The following POLK variants were observed in gnomAD, a reference collection of about 807,000 sequenced individuals.
POLK encodes polymerase (DNA directed) kappa.
Under a neutral mutation model 94.0 loss-of-function variants are expected in POLK, and 76 were observed. The ratio of observed to expected loss-of-function variants is 0.81; its 90% CI spans 0.67 to 0.98. POLK has a LOEUF of 0.98. Ranked by LOEUF, POLK falls within the 50% of genes least tolerant of loss-of-function variation. The pLI, the probability that POLK is intolerant of heterozygous loss-of-function variation, is 0.00. For synonymous variants in POLK, 349 were observed against 325.4 expected, an observed-to-expected ratio of 1.07 and a Z score of -0.78; for missense variants, 954 against 1,010.1, an observed-to-expected ratio of 0.94 and a Z score of 0.75.
At chr5:75,597,861 A>G in intron 14 of POLK, 72 bp downstream of exon 14, 1 of 1,138,250 alleles carries the variant, frequency 8.8e-7, no homozygotes, top group South Asian at 1.7e-5. Context: ...ATTATTAAGT[A>G]ATCAATATTA....
chr5:75,542,440 T>C, intron 1 of POLK, among the ~76,000 whole-genome samples: 1 of 151,896 alleles, frequency 6.6e-6, no homozygotes, highest in East Asian at 1.9e-4. Flanking sequence ...CAGTGTGGTT[T>C]TTTATATAGC....
chr5:75,520,640 C>A (rs541641250), intron 1 of POLK, among the ~76,000 whole-genome samples: 2 of 152,302 alleles, frequency 1.3e-5, no homozygotes, highest in African/African-American at 4.8e-5. Flanking sequence ...CTCAGGCAGT[C>A]CTCCTGACTT....
intron 8 of POLK, among the ~76,000 whole-genome samples, chr5:75,583,656 A>ACT (rs1772316800): frequency 6.6e-6 from 1 of 152,198 alleles, no homozygotes; most frequent in Non-Finnish European, 1.5e-5. Context: ...TAAGTGAACT[A>ACT]CTGCCAAGGA....
chr5:75,511,265 G>A, upstream of POLK: 3 of 1,595,944 alleles, frequency 1.9e-6, no homozygotes, highest in Non-Finnish European at 2.6e-6. Context: ...CGCCGGAGGA[G>A]GCGCCCAGTC....
intron 2 of POLK, among the ~76,000 whole-genome samples, chr5:75,548,151 G>T (rs753754374): frequency 7.2e-5 from 11 of 152,064 alleles, no homozygotes; most frequent in Non-Finnish European, 1.6e-4. Flanking sequence ...TGATCTGCTG[G>T]CCTCAAGCAA....
intron 3 of POLK, among the ~76,000 whole-genome samples, chr5:75,567,115 C>CA (rs1561379663): frequency 1.3e-5 from 2 of 151,876 alleles, no homozygotes; most frequent in Admixed American, 6.6e-5. Flanking sequence ...GCTTTAAGCA[C>CA]AAAAAAAGAG....
chr5:75,540,868 A>G (rs1377162329), intron 1 of POLK, among the ~76,000 whole-genome samples: 4 of 152,202 alleles, frequency 2.6e-5, no homozygotes, highest in East Asian at 1.9e-4. Flanking sequence ...ATCAACTCCT[A>G]TAAGATAAAA....
the POLK span, among the ~76,000 whole-genome samples, chr5:75,606,891 T>C: frequency 0.12 from 18,924 of 152,034 alleles, 1,289 homozygotes; most frequent in East Asian, 0.22. Flanking sequence ...GCTTGTAATC[T>C]GAATTCACAC....
chr5:75,584,145 A>G (rs1056615274), intron 8 of POLK, among the ~76,000 whole-genome samples: 25 of 152,200 alleles, frequency 1.6e-4, no homozygotes, highest in Admixed American at 1.2e-3. Flanking sequence ...TTCTGGGGTC[A>G]GATACCTTTG....
intron 1 of POLK, among the ~76,000 whole-genome samples, chr5:75,538,214 G>A (rs1016549779): frequency 6.6e-6 from 1 of 152,082 alleles, no homozygotes; most frequent in African/African-American, 2.4e-5. Flanking sequence ...ATATGCTGGA[G>A]GTAGCTGTTA....
intron 3 of POLK, 25 bp from the exon 4 acceptor site, chr5:75,569,315 A>G (rs1771456334): frequency 2.0e-6 from 3 of 1,536,398 alleles, no homozygotes; most frequent in Non-Finnish European, 2.7e-6. Context: ...GTCTAAAAGT[A>G]TGTTAACTTT....
At chr5:75,529,282 G>C (rs1244052580) in intron 1 of POLK, among the ~76,000 whole-genome samples, 1 of 151,976 alleles carries the variant, frequency 6.6e-6, no homozygotes, top group Non-Finnish European at 1.5e-5. Flanking sequence ...GGGGGGAGGT[G>C]CCACACTCTT....
intron 12 of POLK, among the ~76,000 whole-genome samples, chr5:75,594,742 A>G (rs1023862789): frequency 9.9e-5 from 15 of 152,202 alleles, no homozygotes; most frequent in African/African-American, 3.1e-4. Flanking sequence ...TGGATTTTGG[A>G]ATTACAGATA....
At chr5:75,578,680 T>C (rs1310736059) in intron 6 of POLK, among the ~76,000 whole-genome samples, 1 of 152,222 alleles carries the variant, frequency 6.6e-6, no homozygotes, top group African/African-American at 2.4e-5. Flanking sequence ...AAATTGTCAA[T>C]AGTGCATTGG....
intron 3 of POLK, 132 bp from the exon 4 acceptor site, chr5:75,569,208 G>A: frequency 5.2e-6 from 3 of 577,186 alleles, no homozygotes; most frequent in Non-Finnish European, 5.9e-6. Flanking sequence ...TGGATGAATG[G>A]ATGGATGGAT....
At position 75,547,443 on chromosome 5, in the gene POLK, A is replaced by AT. The variant is rs34495262; in HGVS notation, c.135+297dup. Among the ~76,000 whole-genome samples, 361 of 143,776 alleles carry AT rather than the reference A, an allele frequency of 2.5e-3. 1 individual carries two copies. In the East Asian group the frequency reaches 0.029, roughly 11 times the overall value. 94.3% of individuals were successfully genotyped at this position (143,776 alleles called of 152,430 possible). A position where few individuals can be genotyped will look rare whatever the true frequency, so the allele number is the denominator to read the frequency against. On this transcript the variant is annotated intron_variant, in intron 2 of 14. Transcript: ENST00000241436. ...TGGGAGAAATTGTTTAGGTATTTGG[A>AT]TTTTTTTTTTTCAGTTAATATAACT...
intron 6 of POLK, among the ~76,000 whole-genome samples, chr5:75,579,028 A>G (rs1289301041): frequency 6.6e-6 from 1 of 152,220 alleles, no homozygotes; most frequent in East Asian, 1.9e-4. Context: ...GCTCTTAGTT[A>G]CACAGCCAGG....
At chr5:75,567,540 C>T (rs565527574) in intron 3 of POLK, among the ~76,000 whole-genome samples, 2 of 152,272 alleles carry the variant, frequency 1.3e-5, no homozygotes, top group South Asian at 4.1e-4. Flanking sequence ...ACTTTTTAAA[C>T]CAACTTTAAT....
chr5:75,521,956 G>A lies in POLK; in HGVS notation c.-14+10042G>A, dbSNP rs576093149. ...TTTGTGCCCAGGGGACCTGTGGAAC[G>A]TACCTCCTACCTAGTGGTCCTGCCG... On this transcript the variant is annotated intron_variant, in intron 1 of 14. Coordinates refer to ENST00000241436, the Ensembl canonical transcript of POLK. 2.8e-3 allele frequency among the ~76,000 whole-genome samples: 434 copies of A among 152,314 alleles called. 1 individual carries two copies. Among genetic ancestry groups the A allele is most frequent in the Non-Finnish European group, 4.8e-3 (326 of 68,020 alleles).
Sources: allele counts gnomAD v4.1 joint callset (sites outside exome capture counted in the v4.1 genomes callset), GRCh38; gene constraint gnomAD v4.1.1; transcripts MANE v1.5; gene names NCBI Gene and HGNC (gene_info 2026-07-23, HGNC 2026-07-21).